The following TMEM132D variants were observed in gnomAD, a reference collection of about 807,000 sequenced individuals.
TMEM132D encodes mature OL transmembrane protein.
Under a neutral mutation model 62.3 loss-of-function variants are expected in TMEM132D, and 21 were observed. The ratio of observed to expected loss-of-function variants is 0.34; its 90% CI spans 0.24 to 0.49. The LOEUF (loss-of-function observed/expected upper bound fraction) is 0.49, where lower values mean the gene tolerates loss of function less well. Among genes scored for constraint, TMEM132D ranks in the 20% least tolerant of loss-of-function variants. The pLI is 0.99. For synonymous variants in TMEM132D, 621 were observed against 575.6 expected, an observed-to-expected ratio of 1.08 and a Z score of -1.13; for missense variants, 1,346 against 1,402.8, an observed-to-expected ratio of 0.96 and a Z score of 0.65.
intron 1 of TMEM132D, among the ~76,000 whole-genome samples, chr12:129,767,217 G>A (rs1270379602): frequency 6.6e-6 from 1 of 152,160 alleles, no homozygotes; most frequent in African/African-American, 2.4e-5. Flanking sequence ...TTTCTGCTTT[G>A]GCTGTTTCTT....
chr12:129,510,891 T>C (rs1017112113), intron 3 of TMEM132D, among the ~76,000 whole-genome samples: 2 of 152,230 alleles, frequency 1.3e-5, no homozygotes, highest in African/African-American at 4.8e-5. Flanking sequence ...TTCTCTATTC[T>C]GTTCCATTGG....
intron 4 of TMEM132D, among the ~76,000 whole-genome samples, chr12:129,215,895 A>C (rs1180267474): frequency 6.6e-6 from 1 of 152,148 alleles, no homozygotes; most frequent in African/African-American, 2.4e-5. Context: ...ACCCCAAATA[A>C]AATCATCAGA....
chr12:129,139,697 AATTATT>A (rs1246866403), intron 5 of TMEM132D, among the ~76,000 whole-genome samples: 1 of 152,104 alleles, frequency 6.6e-6, no homozygotes, highest in African/African-American at 2.4e-5. Flanking sequence ...TCATCATAAT[AATTATT>A]ATTATTGAGA....
intron 3 of TMEM132D, among the ~76,000 whole-genome samples, chr12:129,481,254 G>C (rs937245375): frequency 2.0e-5 from 3 of 152,098 alleles, no homozygotes; most frequent in African/African-American, 7.2e-5. Flanking sequence ...GGAGGCCAAG[G>C]TGGGAGGATC....
intron 1 of TMEM132D, among the ~76,000 whole-genome samples, chr12:129,890,302 C>G (rs1874879698): frequency 6.6e-6 from 1 of 152,166 alleles, no homozygotes; most frequent in Non-Finnish European, 1.5e-5. Flanking sequence ...GCCCTGCTTA[C>G]ATATTCTAGA....
intron 3 of TMEM132D, among the ~76,000 whole-genome samples, chr12:129,418,480 C>T (rs1269377962): frequency 6.6e-6 from 1 of 152,054 alleles, no homozygotes; most frequent in Non-Finnish European, 1.5e-5. Context: ...AAACACCACA[C>T]GTTCTCACTC....
At chr12:129,418,486 CACTCATAAGCGGGAGTTGA>C (rs1445211240) in intron 3 of TMEM132D, among the ~76,000 whole-genome samples, 1 of 152,128 alleles carries the variant, frequency 6.6e-6, no homozygotes, top group Non-Finnish European at 1.5e-5. Flanking sequence ...CACACGTTCT[CACTCATAAGCGGGAGTTGA>C]ACAATGAGAA....
At chr12:129,655,936 G>A (rs527498159) in intron 2 of TMEM132D, among the ~76,000 whole-genome samples, 2 of 152,278 alleles carry the variant, frequency 1.3e-5, no homozygotes, top group African/African-American at 4.8e-5. Context: ...AATACAACCT[G>A]AAGTGACCAA....
rs554997783 is a variant in TMEM132D, at chr12:129,200,732, C to T, written c.1443+8788G>A. 3.5e-4 allele frequency among the ~76,000 whole-genome samples: 53 copies of T among 152,360 alleles called. 1 individual carries two copies. The highest frequency in any genetic ancestry group is 1.0e-3 in the African/African-American group (43 of 41,586). On this transcript the variant is annotated intron_variant, in intron 5 of 8. Coordinates refer to ENST00000422113, the MANE Select transcript of TMEM132D (RefSeq NM_133448.3). ...CTGGGAGCCGGCTCTCCACCACTCT[C>T]CTCTCCTCAGGAACAGGCTGCTGGA...
chr12:129,351,142 C>T (rs1869849215), intron 3 of TMEM132D, among the ~76,000 whole-genome samples: 3 of 152,200 alleles, frequency 2.0e-5, no homozygotes. Flanking sequence ...TGGTTATGGG[C>T]TTGTGGAACA....
intron 1 of TMEM132D, among the ~76,000 whole-genome samples, chr12:129,707,549 T>C (rs765871808): frequency 7.2e-5 from 11 of 152,210 alleles, no homozygotes; most frequent in Non-Finnish European, 1.3e-4. Context: ...TTTGTCTGCT[T>C]TATCAGTTTC....
intron 2 of TMEM132D, among the ~76,000 whole-genome samples, chr12:129,660,025 T>C (rs555596270): frequency 2.0e-4 from 30 of 152,134 alleles, no homozygotes; most frequent in Non-Finnish European, 4.4e-4. Context: ...TGCTGGGTCA[T>C]GGTTTTGAGT....
intron 2 of TMEM132D, among the ~76,000 whole-genome samples, chr12:129,572,576 G>C (rs369819093): frequency 1.6e-4 from 25 of 152,190 alleles, no homozygotes; most frequent in African/African-American, 5.8e-4. Flanking sequence ...AGCCTCCTGA[G>C]TAGCTGGGAT....
chr12:129,288,492 G>T (rs1227845844), intron 4 of TMEM132D, among the ~76,000 whole-genome samples: 1 of 152,166 alleles, frequency 6.6e-6, no homozygotes, highest in Non-Finnish European at 1.5e-5. Context: ...GCCAATAGGT[G>T]TATGAAAAGG....
At chr12:129,750,454 G>A (rs1480785648) in intron 1 of TMEM132D, among the ~76,000 whole-genome samples, 1 of 152,198 alleles carries the variant, frequency 6.6e-6, no homozygotes, top group Non-Finnish European at 1.5e-5. Context: ...ATCATAAATG[G>A]TGTTGGTTCT....
At chr12:129,370,676 G>C (rs1045505238) in intron 3 of TMEM132D, among the ~76,000 whole-genome samples, 1 of 152,180 alleles carries the variant, frequency 6.6e-6, no homozygotes, top group African/African-American at 2.4e-5. Context: ...GTGGTTTATA[G>C]ACACAGTGGA....
intron 3 of TMEM132D, among the ~76,000 whole-genome samples, chr12:129,446,098 C>T (rs894825733): frequency 9.2e-5 from 14 of 152,102 alleles, no homozygotes; most frequent in Admixed American, 5.2e-4. Context: ...GTGCAAAAGA[C>T]GGGCTCAGGT....
At chr12:129,257,242 T>G (rs1437469466) in intron 4 of TMEM132D, among the ~76,000 whole-genome samples, 1 of 148,946 alleles carries the variant, frequency 6.7e-6, no homozygotes, top group Non-Finnish European at 1.5e-5. Context: ...AGTCTCACTC[T>G]GTCGCCCAGG....
intron 2 of TMEM132D, among the ~76,000 whole-genome samples, chr12:129,697,926 A>AG (rs575000430): frequency 0.02 from 3,050 of 151,044 alleles, 46 homozygotes; most frequent in South Asian, 0.044. Context: ...CACACACACA[A>AG]GCTGCATGTG....
Sources: allele counts gnomAD v4.1 joint callset (sites outside exome capture counted in the v4.1 genomes callset), GRCh38; gene constraint gnomAD v4.1.1; transcripts MANE v1.5; gene names NCBI Gene and HGNC (gene_info 2026-07-23, HGNC 2026-07-21).